The following HHIP variants were observed in gnomAD, a reference collection of about 807,000 sequenced individuals.
HHIP encodes hedgehog-interacting protein.
In HHIP, 12 loss-of-function variants were observed where a neutral mutation model predicts 74.0. The ratio of observed to expected loss-of-function variants is 0.16; its 90% confidence interval spans 0.10 to 0.26. HHIP has a LOEUF of 0.26. Ranked by LOEUF, HHIP falls within the 10% of genes least tolerant of loss-of-function variation. The pLI is 1.00. For missense variants in HHIP, 788 were observed against 845.0 expected (o/e 0.93, Z 0.84); for synonymous variants, 309 against 311.6 (o/e 0.99, Z 0.09).
chr4:144,717,779 C>T (rs1662568923), intron 10 of HHIP, among the ~76,000 whole-genome samples: 1 of 152,100 alleles, frequency 6.6e-6, no homozygotes, highest in South Asian at 2.1e-4. Flanking sequence ...CAATCCTTCT[C>T]TCCCCTCTCC....
At chr4:144,705,978 T>C (rs1387189250) in intron 4 of HHIP, among the ~76,000 whole-genome samples, 1 of 152,196 alleles carries the variant, frequency 6.6e-6, no homozygotes, top group East Asian at 1.9e-4. Flanking sequence ...GCCTATTACC[T>C]AGCTATGATG....
intron 4 of HHIP, among the ~76,000 whole-genome samples, chr4:144,669,842 T>C (rs1418281241): frequency 1.3e-5 from 2 of 152,158 alleles, no homozygotes; most frequent in East Asian, 3.9e-4. Flanking sequence ...TAATGTGACT[T>C]TCTCTTTAAG....
At chr4:144,671,259 T>G (rs2126606971) in intron 4 of HHIP, among the ~76,000 whole-genome samples, 1 of 152,184 alleles carries the variant, frequency 6.6e-6, no homozygotes, top group Middle Eastern at 3.4e-3. Context: ...CATAGCTCTT[T>G]AATTGCATAA....
At chr4:144,703,536 G>A (rs1730047705) in intron 4 of HHIP, among the ~76,000 whole-genome samples, 1 of 152,112 alleles carries the variant, frequency 6.6e-6, no homozygotes, top group Non-Finnish European at 1.5e-5. Context: ...CCAGGGCTTT[G>A]TTTTTTTCTA....
intron 11 of HHIP, among the ~76,000 whole-genome samples, chr4:144,730,570 G>T (rs779587437): frequency 6.6e-6 from 1 of 151,990 alleles, no homozygotes. Flanking sequence ...TTATTAGATC[G>T]TACATTAAAG....
chr4:144,718,811 G>C (rs1730543932), intron 10 of HHIP, 64 bp from the exon 11 acceptor site: 1 of 913,582 alleles, frequency 1.1e-6, no homozygotes, highest in East Asian at 2.4e-5. Flanking sequence ...ATAACTGCCA[G>C]GCAATAGGAA....
chr4:144,703,229 G>T (rs1730040984), intron 4 of HHIP, among the ~76,000 whole-genome samples: 2 of 151,742 alleles, frequency 1.3e-5, no homozygotes, highest in South Asian at 4.1e-4. Context: ...AAAAAAAAGG[G>T]ATAATGTTAG....
At chr4:144,688,901 T>C (rs1729565727) in intron 4 of HHIP, among the ~76,000 whole-genome samples, 1 of 152,188 alleles carries the variant, frequency 6.6e-6, no homozygotes, top group Non-Finnish European at 1.5e-5. Flanking sequence ...GAGTGCTTAT[T>C]TCTTCAAGCT....
chr4:144,704,603 A>C (rs1463328039), intron 4 of HHIP, among the ~76,000 whole-genome samples: 1 of 152,222 alleles, frequency 6.6e-6, no homozygotes, highest in East Asian at 1.9e-4. Flanking sequence ...ATCCAATTCA[A>C]ATTGTATTTC....
chr4:144,680,128 T>C (rs148261773), intron 4 of HHIP, among the ~76,000 whole-genome samples: 1 of 152,316 alleles, frequency 6.6e-6, no homozygotes, highest in African/African-American at 2.4e-5. Flanking sequence ...AAAGAACGTG[T>C]TTATGTCTTA....
At chr4:144,712,914 G>A (rs539472833) in intron 8 of HHIP, among the ~76,000 whole-genome samples, 22 of 127,174 alleles carry the variant, frequency 1.7e-4, no homozygotes, top group Non-Finnish European at 2.5e-4. Context: ...GTGTGCACGC[G>A]CATCTTTTAA....
At chr4:144,734,445 AC>A (rs963619217) in intron 11 of HHIP, among the ~76,000 whole-genome samples, 122 of 152,222 alleles carry the variant, frequency 8.0e-4, no homozygotes, top group African/African-American at 2.8e-3. Context: ...ATTCTTACTT[AC>A]CAAATGTGAA....
rs1728278727 is a variant in HHIP, at chr4:144,646,886, G to C, written c.211G>C (p.Gly71Arg). ...LLSGGEMLCG[G>R]FYPRLSCCLR... ...GAGTGGGGGAGAGATGCTGTGCGGTGGCTTCTACCCTCGGCTGTCCTGCTG... is the reference window on the plus strand; with the variant it reads ...GAGTGGGGGAGAGATGCTGTGCGGTCGCTTCTACCCTCGGCTGTCCTGCTG... Residue 71 changes from glycine to arginine, a missense_variant, in exon 1 of 13, where the codon GGC becomes CGC. Around this residue, in one of 3 missense-constraint regions of HHIP, gnomAD observed 373 missense variants for 366.4 expected, o/e 1.02. Coordinates refer to ENST00000296575, the MANE Select transcript of HHIP (RefSeq NM_022475.3). The C allele has an allele frequency of 6.2e-7, 1 of 1,614,186 alleles. No homozygotes were observed.
intron 12 of HHIP, among the ~76,000 whole-genome samples, 175 bp from the exon 13 acceptor site, chr4:144,737,589 G>A (rs1256846216): frequency 6.6e-6 from 1 of 152,172 alleles, no homozygotes; most frequent in Non-Finnish European, 1.5e-5. Flanking sequence ...AAATAACTAT[G>A]GGTGTAAAAG....
At chr4:144,699,969 T>C (rs953610148) in intron 4 of HHIP, among the ~76,000 whole-genome samples, 1 of 152,210 alleles carries the variant, frequency 6.6e-6, no homozygotes, top group Non-Finnish European at 1.5e-5. Context: ...ACAGTTTTAA[T>C]CAACTTAAAA....
At chr4:144,692,794 C>A (rs754358057) in intron 4 of HHIP, among the ~76,000 whole-genome samples, 6 of 152,144 alleles carry the variant, frequency 3.9e-5, no homozygotes, top group Non-Finnish European at 8.8e-5. Flanking sequence ...TCTTTCCATG[C>A]AACAACTCAC....
intron 4 of HHIP, among the ~76,000 whole-genome samples, chr4:144,697,605 A>G (rs2126642361): frequency 6.6e-6 from 1 of 152,222 alleles, no homozygotes; most frequent in South Asian, 2.1e-4. Context: ...ATATGCCGTA[A>G]TGTATCACAT....
intron 4 of HHIP, among the ~76,000 whole-genome samples, chr4:144,672,178 A>AT (rs1363528094): frequency 3.9e-5 from 6 of 151,944 alleles, no homozygotes; most frequent in East Asian, 1.9e-4. Context: ...CTTTATTTTG[A>AT]TTTTTTTCCC....
At chr4:144,701,212 A>G (rs1286678618) in intron 4 of HHIP, among the ~76,000 whole-genome samples, 1 of 152,128 alleles carries the variant, frequency 6.6e-6, no homozygotes, top group Non-Finnish European at 1.5e-5. Context: ...CTTCATTCAT[A>G]CCTGTGTGCT....
Sources: gnomAD v4.1 joint callset for allele counts (sites outside exome capture counted in the v4.1 genomes callset) on GRCh38, gnomAD v4.1.1 for gene constraint, gnomAD v4.1.1 regional missense constraint, MANE v1.5 for transcripts, NCBI Gene and HGNC (gene_info 2026-07-23, HGNC 2026-07-21) for gene names.